Variants in LUZP2 observed in about 807,000 individuals in gnomAD.
LUZP2 encodes the protein leucine zipper protein 2.
A neutral mutation model predicts 51.6 loss-of-function variants in LUZP2; 52 were observed. The ratio of observed to expected loss-of-function variants is 1.01; its 90% CI spans 0.81 to 1.27. LUZP2 has a LOEUF of 1.27. LUZP2 is among the 50% of genes most tolerant of loss of function. The pLI is 0.00. For synonymous variants in LUZP2, 154 were observed against 137.3 expected (o/e 1.12, Z -0.85); for missense variants, 436 against 395.4 (o/e 1.10, Z -0.87).
intron 9 of LUZP2, among the ~76,000 whole-genome samples, chr11:25,026,005 A>T (rs1021264409): frequency 5.3e-5 from 8 of 152,126 alleles, no homozygotes; most frequent in African/African-American, 1.4e-4. Flanking sequence ...ACATGGATGA[A>T]GCTGGAAGCC....
At chr11:24,542,231 A>AC (rs554362759) in intron 1 of LUZP2, among the ~76,000 whole-genome samples, 22 of 151,812 alleles carry the variant, frequency 1.4e-4, no homozygotes, top group Middle Eastern at 3.4e-3. Flanking sequence ...TACTATCCTC[A>AC]CCCCCCCATA....
At chr11:24,802,104 A>C (rs965587110) in intron 5 of LUZP2, among the ~76,000 whole-genome samples, 1 of 151,998 alleles carries the variant, frequency 6.6e-6, no homozygotes, top group Non-Finnish European at 1.5e-5. Flanking sequence ...GATAACCACT[A>C]TCTTTACTTC....
At chr11:25,056,729 T>G in intron 10 of LUZP2, among the ~76,000 whole-genome samples, 1 of 152,126 alleles carries the variant, frequency 6.6e-6, no homozygotes, top group East Asian at 1.9e-4. Flanking sequence ...AATCCGTTGG[T>G]CAGGTAAAGA....
intron 1 of LUZP2, among the ~76,000 whole-genome samples, chr11:24,542,874 G>A (rs2133722498): frequency 6.6e-6 from 1 of 151,542 alleles, no homozygotes; most frequent in Non-Finnish European, 1.5e-5. Context: ...AGTATTATGG[G>A]GTTTGTTTTC....
chr11:24,542,156 T>C (rs76806245), intron 1 of LUZP2, among the ~76,000 whole-genome samples: 6,358 of 152,054 alleles, frequency 0.042, 407 homozygotes, highest in African/African-American at 0.14. Context: ...TAAATTAAAA[T>C]TAATAAGTGA....
chr11:25,050,857 A>AG (rs1858488603), intron 10 of LUZP2, among the ~76,000 whole-genome samples: 1 of 152,214 alleles, frequency 6.6e-6, no homozygotes, highest in South Asian at 2.1e-4. Flanking sequence ...TTGTAGAGGA[A>AG]GGGAGATTCA....
intron 5 of LUZP2, chr11:24,831,957 C>T (rs1850717114): frequency 6.6e-6 from 1 of 152,406 alleles, no homozygotes; most frequent in Non-Finnish European, 1.5e-5. Flanking sequence ...CCATGAGGAC[C>T]ATGTCAATAT....
intron 5 of LUZP2, among the ~76,000 whole-genome samples, chr11:24,776,265 A>T (rs750628552): frequency 6.6e-6 from 1 of 152,240 alleles, no homozygotes; most frequent in Non-Finnish European, 1.5e-5. Context: ...ATTAGAAACA[A>T]TAGCCTATGG....
chr11:24,800,782 A>G (rs1026893459), intron 5 of LUZP2, among the ~76,000 whole-genome samples: 4 of 152,158 alleles, frequency 2.6e-5, no homozygotes, highest in Non-Finnish European at 4.4e-5. Context: ...AACATAAGAA[A>G]GATAAACGAA....
At chr11:24,790,735 C>T (rs887685268) in intron 5 of LUZP2, among the ~76,000 whole-genome samples, 1 of 152,138 alleles carries the variant, frequency 6.6e-6, no homozygotes, top group Non-Finnish European at 1.5e-5. Flanking sequence ...CTCCTGACCT[C>T]AGGTGATCCA....
At chr11:24,727,564 T>C (rs1312770860) in intron 1 of LUZP2, among the ~76,000 whole-genome samples, 2 of 152,026 alleles carry the variant, frequency 1.3e-5, no homozygotes, top group African/African-American at 4.8e-5. Flanking sequence ...CTTAAGATGA[T>C]TTTGGAGATG....
chr11:24,574,958 G>A (rs1274946029), intron 1 of LUZP2, among the ~76,000 whole-genome samples: 1 of 152,124 alleles, frequency 6.6e-6, no homozygotes, highest in Non-Finnish European at 1.5e-5. Context: ...AGAAACTGAT[G>A]TAATGTTTAG....
Position 24,696,174 on chromosome 11 carries a change from A to G in LUZP2, c.63-32995A>G, listed in dbSNP as rs756721769. ...TAAATAGGCCAGTGTCTTGCCAGAT[A>G]TGGTGCTTAAAGAAAACCAGATTGA... is the stretch of plus-strand genomic sequence containing the variant. On this transcript the variant is annotated intron_variant, in intron 1 of 11. Transcript: ENST00000336930. Among the ~76,000 whole-genome samples, 33 of 152,054 alleles carry G rather than the reference A, an allele frequency of 2.2e-4. 1 individual carries two copies. The highest frequency in any genetic ancestry group is 6.6e-4 in the Admixed American group (10 of 15,232).
chr11:24,615,488 GC>G (rs1854256733), intron 1 of LUZP2, among the ~76,000 whole-genome samples: 1 of 151,880 alleles, frequency 6.6e-6, no homozygotes, highest in Admixed American at 6.6e-5. Context: ...TTGAATCATA[GC>G]TTTTTCTTTT....
rs567780089 is a variant in LUZP2 at position 24,943,475 on chromosome 11, G to A, written c.522+28937G>A. ...ACTCTGAGTGAAGTGTCCCATGCTG[G>A]GATCTACTGCGGTTATTTGAGTGTC... On this transcript the variant is annotated intron_variant, in intron 7 of 11. Transcript: ENST00000336930. Among the ~76,000 whole-genome samples the A allele has an allele frequency of 7.2e-5, 11 of 152,110 alleles. No homozygotes were observed. In the East Asian group the frequency reaches 2.1e-3, roughly 29 times the overall value.
intron 1 of LUZP2, among the ~76,000 whole-genome samples, chr11:24,498,930 T>C (rs1849908770): frequency 6.6e-6 from 1 of 152,200 alleles, no homozygotes; most frequent in African/African-American, 2.4e-5. Context: ...ATTTGCTTTT[T>C]AAGGATACTA....
intron 5 of LUZP2, among the ~76,000 whole-genome samples, chr11:24,772,692 C>T (rs1313869866): frequency 6.6e-6 from 1 of 152,120 alleles, no homozygotes; most frequent in African/African-American, 2.4e-5. Context: ...AATTTCCTGT[C>T]TCTCAATTCT....
chr11:25,023,724 T>A (rs1454335795), intron 9 of LUZP2, among the ~76,000 whole-genome samples: 1 of 152,160 alleles, frequency 6.6e-6, no homozygotes, highest in African/African-American at 2.4e-5. Flanking sequence ...AATTGTGATG[T>A]TAGGGTGTCA....
At chr11:25,073,250 C>A (rs1859206325) in intron 10 of LUZP2, among the ~76,000 whole-genome samples, 1 of 152,140 alleles carries the variant, frequency 6.6e-6, no homozygotes, top group Non-Finnish European at 1.5e-5. Flanking sequence ...CACTATGGTG[C>A]CTAGACAGCT....
Sources: allele counts gnomAD v4.1 joint callset (sites outside exome capture counted in the v4.1 genomes callset), GRCh38; gene constraint gnomAD v4.1.1; transcripts MANE v1.5; gene names NCBI Gene and HGNC (gene_info 2026-07-23, HGNC 2026-07-21).